ARID1B: variants seen among roughly 807,000 people sequenced by gnomAD.
ARID1B encodes AT-rich interaction domain 1B, also known as AT-rich interactive domain-containing protein 1B.
Under a neutral mutation model 212.3 loss-of-function variants are expected in ARID1B, and 30 were observed. The observed-to-expected ratio is 0.14, with a 90% CI of 0.11 to 0.19. ARID1B has a LOEUF of 0.19. Among genes scored for constraint, ARID1B ranks in the 10% least tolerant of loss-of-function variants. The pLI is 1.00. For missense variants in ARID1B, 2,891 were observed against 3,204.0 expected (o/e 0.90, Z 2.36); for synonymous variants, 1,402 against 1,301.7 (o/e 1.08, Z -1.66).
At chr6:156,897,206 GCTGCTGCTGCTGCTT>G (rs1333864528) in intron 2 of ARID1B, among the ~76,000 whole-genome samples, 213 of 82,724 alleles carry the variant, frequency 2.6e-3, no homozygotes, top group South Asian at 6.3e-3. Flanking sequence ...TGCTGCTGCT[GCTGCTGCTGCTGCTT>G]CTTCTTCTTC....
intron 1 of ARID1B, among the ~76,000 whole-genome samples, chr6:156,787,449 A>G (rs971496537): frequency 6.6e-6 from 1 of 152,184 alleles, no homozygotes; most frequent in African/African-American, 2.4e-5. Flanking sequence ...ACCACTCACC[A>G]TATTTCATAG....
intron 3 of ARID1B, among the ~76,000 whole-genome samples, chr6:156,906,235 G>A (rs1789363162): frequency 6.6e-6 from 1 of 152,036 alleles, no homozygotes; most frequent in South Asian, 2.1e-4. Flanking sequence ...GAGACAGGAG[G>A]ATTGAAGTGG....
chr6:157,051,945 G>C (rs904043020), intron 4 of ARID1B, among the ~76,000 whole-genome samples: 1 of 152,092 alleles, frequency 6.6e-6, no homozygotes, highest in Admixed American at 6.6e-5. Flanking sequence ...TATATGATTA[G>C]ATGTATTTTG....
chr6:157,082,408 A>G (rs117868400), intron 4 of ARID1B, among the ~76,000 whole-genome samples: 8,868 of 152,290 alleles, frequency 0.058, 364 homozygotes, highest in Middle Eastern at 0.15. Context: ...CAAGTTAAAT[A>G]TAAAGTTTCA....
rs1562494863 is a variant in ARID1B at position 156,934,950 on chromosome 6, ATATATATATAT to A, written c.2137-515_2137-505del. Reference sequence around the variant, plus strand: ...TATATATATATATATATATATATATATATATATATATAGTTTATATTTCTGCTGTTATTCAC... The same window carrying A: ...TATATATATATATATATATATATATAAGTTTATATTTCTGCTGTTATTCAC... On this transcript the variant is annotated intron_variant, in intron 3 of 19. Coordinates refer to ENST00000636930, the MANE Select transcript of ARID1B (RefSeq NM_001374828.1). Among the ~76,000 whole-genome samples, 686 of 89,264 alleles carry A rather than the reference ATATATATATAT, an allele frequency of 7.7e-3. 33 individuals are homozygous for A. In the East Asian group the frequency reaches 0.078, roughly 10 times the overall value. 58.6% of individuals were successfully genotyped at this position (89,264 alleles called of 152,430 possible).
In ARID1B at chr6:157,108,516, C is replaced by T. The variant is rs1786656207; in HGVS notation, c.2492-1956C>T. Among the ~76,000 whole-genome samples, 3 of 152,206 alleles carry T rather than the reference C, an allele frequency of 2.0e-5. No individual in the cohort carries two copies. In the South Asian group the frequency reaches 6.2e-4, roughly 32 times the overall value. ...ATTCCCCAGTGACATTTTAAAAAGTCAGTATTTGGCTGCAGAGTGCTTTAA... is the reference window on the plus strand; with the variant it reads ...ATTCCCCAGTGACATTTTAAAAAGTTAGTATTTGGCTGCAGAGTGCTTTAA... On this transcript the variant is annotated intron_variant, in intron 5 of 19. Transcript: ENST00000636930.
At chr6:157,083,325 C>G (rs1562602949) in intron 4 of ARID1B, among the ~76,000 whole-genome samples, 1 of 152,190 alleles carries the variant, frequency 6.6e-6, no homozygotes, top group Non-Finnish European at 1.5e-5. Flanking sequence ...GGACAAGTAT[C>G]TTTTATGCTG....
At chr6:156,910,543 A>G (rs6928549) in intron 3 of ARID1B, among the ~76,000 whole-genome samples, 33,697 of 151,798 alleles carry the variant, frequency 0.22, 3,964 homozygotes, top group African/African-American at 0.3. Context: ...GTTGGCTTCT[A>G]TTGCTCTCTT....
intron 11 of ARID1B, among the ~76,000 whole-genome samples, chr6:157,179,430 ATAGTTT>A (rs1792352192): frequency 6.6e-6 from 1 of 152,130 alleles, no homozygotes; most frequent in Non-Finnish European, 1.5e-5. Flanking sequence ...ATTTGGATAT[ATAGTTT>A]CTATATTCTA....
At chr6:157,111,484 A>G (rs1583324108) in intron 6 of ARID1B, among the ~76,000 whole-genome samples, 3 of 151,400 alleles carry the variant, frequency 2.0e-5, no homozygotes, top group African/African-American at 7.3e-5. Context: ...GCTGTCCTGC[A>G]CTCCCCTCCT....
intron 2 of ARID1B, among the ~76,000 whole-genome samples, chr6:156,899,350 G>A (rs1233954670): frequency 6.6e-6 from 1 of 152,224 alleles, no homozygotes; most frequent in Non-Finnish European, 1.5e-5. Flanking sequence ...AGCTGACCGG[G>A]TCCAGTTGGT....
At chr6:156,817,040 G>A (rs1583094812) in intron 1 of ARID1B, among the ~76,000 whole-genome samples, 1 of 150,090 alleles carries the variant, frequency 6.7e-6, no homozygotes, top group Admixed American at 6.7e-5. Context: ...ATTATCGCAC[G>A]TTAGAACAAT....
chr6:157,201,153 A>G lies in ARID1B; in HGVS notation c.4928A>G (p.Gln1643Arg). Reference protein sequence around the residue: ...SQWPSHVSQRQPYMSSSASMQ... With the variant: ...SQWPSHVSQRRPYMSSSASMQ... ...TGGCCTTCTCACGTCAGCCAGCGTCAGCCTTATATGTCGTCCTCAGCCTCC... is the reference window on the plus strand; with the variant it reads ...TGGCCTTCTCACGTCAGCCAGCGTCGGCCTTATATGTCGTCCTCAGCCTCC... The change falls in exon 18 of 20, where the codon CAG becomes CGG. Residue 1643 changes from glutamine (Q) to arginine (R), a missense_variant. Coordinates refer to ENST00000636930, the MANE Select transcript of ARID1B (RefSeq NM_001374828.1). The surrounding 1 kb of genome is among the most constrained non-coding windows in gnomAD (Gnocchi z 5.2). 1 of 1,614,178 alleles carries G rather than the reference A, an allele frequency of 6.2e-7. No individual in the cohort carries two copies. The highest frequency in any genetic ancestry group is 8.5e-7 in the Non-Finnish European group (1 of 1,180,028).
At chr6:156,938,704 T>C (rs1792447353) in intron 4 of ARID1B, 1 of 152,198 alleles carries the variant, frequency 6.6e-6, no homozygotes, top group Non-Finnish European at 1.5e-5. Flanking sequence ...CCTAAGTAGA[T>C]TTTTCTTTAG....
chr6:156,796,174 G>C (rs991163970), intron 1 of ARID1B, among the ~76,000 whole-genome samples: 9 of 152,108 alleles, frequency 5.9e-5, no homozygotes, highest in Admixed American at 1.3e-4. Flanking sequence ...GCTGTCTCTT[G>C]TTTCCTATTT....
chr6:156,987,506 A>G (rs1360309302), intron 4 of ARID1B, among the ~76,000 whole-genome samples: 1 of 151,808 alleles, frequency 6.6e-6, no homozygotes, highest in African/African-American at 2.4e-5. Context: ...AATTTTTTAT[A>G]TTTTCAGTAG....
chr6:157,098,186 C>CT (rs1554296808), intron 5 of ARID1B, among the ~76,000 whole-genome samples: 2 of 151,236 alleles, frequency 1.3e-5, no homozygotes, highest in Non-Finnish European at 3.0e-5. Context: ...TATAAACCAT[C>CT]CCTCTATTTG....
chr6:156,829,192 G>A, intron 1 of ARID1B, 35 bp from the exon 2 acceptor site: 1 of 1,551,840 alleles, frequency 6.4e-7, no homozygotes, highest in Non-Finnish European at 8.8e-7. Context: ...AATAAAGAAT[G>A]AATTAATAAA....
At chr6:156,875,214 G>T (rs994356358) in intron 2 of ARID1B, among the ~76,000 whole-genome samples, 1 of 152,194 alleles carries the variant, frequency 6.6e-6, no homozygotes, top group Admixed American at 6.5e-5. Flanking sequence ...CATATGTTGT[G>T]TAGCAGGAAC....
Sources: gnomAD v4.1 joint callset for allele counts (sites outside exome capture counted in the v4.1 genomes callset) on GRCh38, gnomAD v4.1.1 for gene constraint, Gnocchi (gnomAD v3.1) non-coding constraint, MANE v1.5 for transcripts, NCBI Gene and HGNC (gene_info 2026-07-23, HGNC 2026-07-21) for gene names.